Variants in ESRP1 observed in about 807,000 individuals in gnomAD.
The protein encoded by ESRP1 is epithelial splicing regulatory protein 1.
In ESRP1, 33 loss-of-function variants were observed where a neutral mutation model predicts 81.7. The ratio of observed to expected loss-of-function variants is 0.40; its 90% CI spans 0.31 to 0.54. The LOEUF (loss-of-function observed/expected upper bound fraction) is 0.54. Ranked by LOEUF, ESRP1 falls within the 20% of genes least tolerant of loss-of-function variation. The probability of loss-of-function intolerance (pLI) is 0.41; values close to 1 mark genes in which losing one functional copy is unlikely to be tolerated. For missense variants in ESRP1, 672 were observed against 833.1 expected, an observed-to-expected ratio of 0.81 and a Z score of 2.38; for synonymous variants, 320 against 303.3, an observed-to-expected ratio of 1.06 and a Z score of -0.57.
rs762132114 is a variant in ESRP1 at position 94,642,010 on chromosome 8, G to T, written c.187G>T (p.Asp63Tyr). The T allele has an allele frequency of 6.2e-7, 1 of 1,614,012 alleles. No individual in the cohort carries two copies. The highest frequency in any genetic ancestry group is 1.1e-5 in the South Asian group (1 of 91,088). Reference sequence around the variant, plus strand: ...ACCGGATCAGTTGGAACTGACGGAGGACTGCAAAGAAGAAACTAAAATAGA... The same window carrying T: ...ACCGGATCAGTTGGAACTGACGGAGTACTGCAAAGAAGAAACTAAAATAGA... ...VRPDQLELTE[D>Y]CKEETKIDVE... Residue 63 changes from aspartate to tyrosine, a missense_variant, in exon 2 of 16, where the codon GAC (aspartate) becomes TAC (tyrosine). Asp to Tyr is a radical substitution (Grantham distance 160). Transcript: ENST00000433389.
rs752591294 is a variant in ESRP1, at chr8:94,642,056, C to A, written c.233C>A (p.Ala78Glu). ...ATAGACGTCGAAAGCCTGTCCTCGG[C>A]GTCGCAGCTGGACCAAGCCCTCCGA... Reference protein sequence around the residue: ...TKIDVESLSSASQLDQALRQF... With the variant: ...TKIDVESLSSESQLDQALRQF... Residue 78 changes from alanine to glutamate, a missense_variant, in exon 2 of 16, where the codon GCG becomes GAG. Transcript: ENST00000433389. 1 of 1,613,124 alleles carries A rather than the reference C, an allele frequency of 6.2e-7. No individual in the cohort carries two copies. Among genetic ancestry groups the A allele is most frequent in the Non-Finnish European group, 8.5e-7 (1 of 1,179,850 alleles).
At position 94,678,260 on chromosome 8, in the gene ESRP1, C is replaced by G. The variant is rs780604865; in HGVS notation, c.1709C>G (p.Ala570Gly). The change falls in exon 13 of 16, where the codon GCT (alanine) becomes GGT (glycine). Residue 570 changes from alanine to glycine, a missense_variant. Transcript: ENST00000433389. ...CCTGCTGCAGTTATTCCTACAGAAGCTGCCATTTACCAGCCCTCTGTGATT... is the reference window on the plus strand; with the variant it reads ...CCTGCTGCAGTTATTCCTACAGAAGGTGCCATTTACCAGCCCTCTGTGATT... ...PAPAAVIPTE[A>G]AIYQPSVILN... 6.8e-6 allele frequency: 11 copies of G among 1,614,020 alleles called. No individual in the cohort carries two copies. The East Asian group carries it at 1.8e-4, about 26-fold the overall frequency.
chr8:94,689,715 T>G (rs4639480), intron 13 of ESRP1, among the ~76,000 whole-genome samples: 51,818 of 151,098 alleles, frequency 0.34, 9,510 homozygotes, highest in East Asian at 0.56. Flanking sequence ...GCAGCCGATC[T>G]TGGCCCACTG....
At chr8:94,688,365 A>G (rs745597860) in intron 13 of ESRP1, 2 of 272,468 alleles carry the variant, frequency 7.3e-6, no homozygotes, top group South Asian at 4.8e-5. Context: ...CATGGTTACA[A>G]TGGCGAATTT....
chr8:94,666,160 C>G (rs1160997769), intron 9 of ESRP1, among the ~76,000 whole-genome samples: 1 of 152,104 alleles, frequency 6.6e-6, no homozygotes, highest in East Asian at 1.9e-4. Flanking sequence ...TTAACATCAT[C>G]CTACATTACT....
chr8:94,692,862 C>T (rs1362911836), intron 14 of ESRP1, 35 bp downstream of exon 14: 1 of 1,592,760 alleles, frequency 6.3e-7, no homozygotes, highest in Non-Finnish European at 8.6e-7. Context: ...CCTCAGTGCC[C>T]TTATTACTTA....
At chr8:94,653,246 A>C (rs11782734) in intron 4 of ESRP1, among the ~76,000 whole-genome samples, 27,739 of 152,038 alleles carry the variant, frequency 0.18, 2,960 homozygotes, top group African/African-American at 0.29. Context: ...GTGTGTGTGC[A>C]CATATGTGTG....
Position 94,665,055 on chromosome 8 carries a change from T to C in ESRP1, c.884T>C (p.Ile295Thr). 1 of 1,613,800 alleles carries C rather than the reference T, an allele frequency of 6.2e-7. No homozygotes were observed. Among genetic ancestry groups the C allele is most frequent in the Non-Finnish European group, 8.5e-7 (1 of 1,179,842 alleles). ...AAACATCACATGGGGACCCGGTATA[T>C]TGAGGTATGTCCTCAAAACCTGAAC... is the stretch of plus-strand genomic sequence containing the variant. ...RHKHHMGTRYIEVYKATGEDF... is the reference protein window; with the variant it reads ...RHKHHMGTRYTEVYKATGEDF... Residue 295 changes from isoleucine to threonine, a missense_variant, in exon 8 of 16, where the codon ATT becomes ACT. Physicochemically the swap from Ile to Thr is moderately conservative, Grantham distance 89. Transcript: ENST00000433389.
intron 13 of ESRP1, among the ~76,000 whole-genome samples, chr8:94,687,486 G>C (rs562976798): frequency 2.0e-5 from 3 of 152,158 alleles, no homozygotes; most frequent in Non-Finnish European, 2.9e-5. Context: ...TAACTATTTA[G>C]CTTTCAAGAA....
chr8:94,664,595 A>G, intron 6 of ESRP1, 102 bp from the exon 7 acceptor site: 2 of 814,616 alleles, frequency 2.5e-6, no homozygotes, highest in Non-Finnish European at 4.1e-6. Flanking sequence ...CTGAACACCA[A>G]ATAATACATC....
intron 6 of ESRP1, 55 bp from the exon 7 acceptor site, chr8:94,664,642 G>A (rs576638100): frequency 3.4e-5 from 43 of 1,273,918 alleles, no homozygotes; most frequent in Middle Eastern, 1.8e-4. Context: ...GGGGGTAATA[G>A]GTGTCTGACT....
chr8:94,701,063 AG>A (rs1351539558), intron 15 of ESRP1, among the ~76,000 whole-genome samples: 1 of 151,764 alleles, frequency 6.6e-6, no homozygotes, highest in Non-Finnish European at 1.5e-5. Context: ...ATCTGAGGTC[AG>A]GAGTTCGAGA....
At position 94,664,678 on chromosome 8, in the gene ESRP1, A is replaced by G; in HGVS notation, c.645-19A>G. On this transcript the variant is annotated intron_variant, in intron 6 of 15. Transcript: ENST00000433389. ...TGCTAGCATTTATCATGCAACCTGAAGTTTTGCTTCATCCACAGCAGCAAG... is the reference window on the plus strand; with the variant it reads ...TGCTAGCATTTATCATGCAACCTGAGGTTTTGCTTCATCCACAGCAGCAAG... The G allele has an allele frequency of 6.3e-7, 1 of 1,587,168 alleles. No homozygotes were observed. The highest frequency in any genetic ancestry group is 8.7e-7 in the Non-Finnish European group (1 of 1,155,900).
intron 9 of ESRP1, among the ~76,000 whole-genome samples, chr8:94,665,890 AAACTT>A (rs1467390312): frequency 3.9e-5 from 6 of 152,190 alleles, no homozygotes; most frequent in Non-Finnish European, 5.9e-5. Context: ...ATTTTTCTCT[AAACTT>A]AACACATGAG....
chr8:94,674,995 G>A (rs1014598795), intron 12 of ESRP1, among the ~76,000 whole-genome samples: 1 of 151,950 alleles, frequency 6.6e-6, no homozygotes, highest in Non-Finnish European at 1.5e-5. Context: ...AGGATATCTG[G>A]AATGAGCAAG....
intron 13 of ESRP1, among the ~76,000 whole-genome samples, chr8:94,682,280 T>C (rs188495305): frequency 4.9e-4 from 75 of 152,342 alleles, no homozygotes; most frequent in African/African-American, 1.7e-3. Context: ...GGAGACATGC[T>C]GATTCTTCAA....
intron 11 of ESRP1, 125 bp from the exon 12 acceptor site, chr8:94,674,183 C>A: frequency 9.6e-7 from 1 of 1,045,050 alleles, no homozygotes; most frequent in Non-Finnish European, 1.4e-6. Flanking sequence ...CACACCATCA[C>A]CCGGATTTTG....
rs72676907 is a variant in ESRP1 at position 94,643,368 on chromosome 8, T to C, written c.327T>C (p.Asp109=). The C allele has an allele frequency of 0.16, 264,923 of 1,612,560 alleles. 24,590 individuals are homozygous for C. The highest frequency in any genetic ancestry group is 0.18 in the Non-Finnish European group (216,810 of 1,178,694). ...GGACTTCCTTCTGTCTCTGTACTGA[T>C]GGGCAGCTTCATGTCAGGCAAATCC... ...GVGTSFCLCT[D]GQLHVRQILH... The change falls in exon 3 of 16, where the codon GAT becomes GAC. Residue 109 remains aspartate, a synonymous_variant. Coordinates refer to ENST00000433389, the MANE Select transcript of ESRP1 (RefSeq NM_017697.4).
intron 13 of ESRP1, 95 bp from the exon 14 acceptor site, chr8:94,692,582 T>C (rs1809446368): frequency 3.9e-5 from 53 of 1,353,046 alleles, no homozygotes; most frequent in Non-Finnish European, 5.4e-5. Flanking sequence ...AAGGTTGCCT[T>C]GAGAAATTCT....
Sources: gnomAD v4.1 joint callset for allele counts (sites outside exome capture counted in the v4.1 genomes callset) on GRCh38, gnomAD v4.1.1 for gene constraint, MANE v1.5 for transcripts, NCBI Gene and HGNC (gene_info 2026-07-23, HGNC 2026-07-21) for gene names.